Variants in GRAMD2A observed in about 807,000 individuals in gnomAD.
The protein encoded by GRAMD2A is GRAM domain containing 2A.
Under a neutral mutation model 51.1 loss-of-function variants are expected in GRAMD2A, and 37 were observed. The ratio of observed to expected loss-of-function variants is 0.72; its 90% CI spans 0.56 to 0.95. The LOEUF (loss-of-function observed/expected upper bound fraction) is 0.95, where lower values mean the gene tolerates loss of function less well. Ranked by LOEUF, GRAMD2A falls within the 40% of genes least tolerant of loss-of-function variation. The pLI, the probability that GRAMD2A is intolerant of heterozygous loss-of-function variation, is 0.00. For synonymous variants in GRAMD2A, 136 were observed against 157.1 expected, an observed-to-expected ratio of 0.87 and a Z score of 1.01; for missense variants, 414 against 426.9, an observed-to-expected ratio of 0.97 and a Z score of 0.27.
Position 72,187,169 on chromosome 15 carries a change from A to C in GRAMD2A, c.41+10562T>G, listed in dbSNP as rs149605594. On this transcript the variant is annotated intron_variant, in intron 1 of 11. Coordinates refer to ENST00000309731, the MANE Select transcript of GRAMD2A (RefSeq NM_001012642.3). ...GAGCAAAACTCTGTCTCAAAAGAAA[A>C]AAAAAAGAAAAGAAAAGTAGATACA... Among the ~76,000 whole-genome samples the C allele has an allele frequency of 5.4e-3, 815 of 151,950 alleles. 8 individuals carry two copies. The highest frequency in any genetic ancestry group is 0.019 in the African/African-American group (775 of 41,464).
chr15:72,162,388 C>G lies in GRAMD2A; in HGVS notation c.957-11G>C, dbSNP rs897731. 1,594,772 of 1,598,482 alleles carry G rather than the reference C, an allele frequency of 1. 795,611 individuals carry two copies. The highest frequency in any genetic ancestry group is 1 in the East Asian group (44,798 of 44,798). On this transcript the variant is annotated splice_polypyrimidine_tract_variant and intron_variant, in intron 10 of 11. Coordinates refer to ENST00000309731, the MANE Select transcript of GRAMD2A (RefSeq NM_001012642.3). ...ACCAGGAAGCAGATCCTGAAGAAAG[C>G]GGCAATACGGAGTTAAATATTTCTT...
At chr15:72,193,668 G>T (rs1031997687) in intron 1 of GRAMD2A, among the ~76,000 whole-genome samples, 4 of 151,896 alleles carry the variant, frequency 2.6e-5, no homozygotes, top group African/African-American at 9.7e-5. Context: ...GACTACAGGC[G>T]CCCACCACCA....
intron 1 of GRAMD2A, among the ~76,000 whole-genome samples, chr15:72,195,263 T>C (rs1411962035): frequency 6.6e-6 from 1 of 152,166 alleles, no homozygotes; most frequent in Non-Finnish European, 1.5e-5. Flanking sequence ...CTCCTTACCT[T>C]ATGGTGTAAA....
intron 7 of GRAMD2A, among the ~76,000 whole-genome samples, chr15:72,165,799 A>G (rs1324327552): frequency 1.3e-5 from 2 of 150,878 alleles, no homozygotes; most frequent in African/African-American, 4.9e-5. Flanking sequence ...TGCAAAAGTG[A>G]TAGGCTTCCT....
chr15:72,166,792 C>T lies in GRAMD2A; in HGVS notation c.472-89G>A. 8.5e-7 allele frequency: 1 copy of T among 1,178,184 alleles called. No individual in the cohort carries two copies. Among genetic ancestry groups the T allele is most frequent in the Non-Finnish European group, 1.3e-6 (1 of 793,156 alleles). The allele number at this position is 1,178,184 out of a possible 1,614,324, so 73.0% of individuals were successfully genotyped here. ...GCCCCCTTGTGGATTGGGCACAGGC[C>T]CACAGGGGTATCAGGCCATGAGAGC... On this transcript the variant is annotated intron_variant, in intron 6 of 11. Coordinates refer to ENST00000309731, the MANE Select transcript of GRAMD2A (RefSeq NM_001012642.3). This position sits in a 1 kb window ranked among gnomAD's most constrained non-coding sequence, Gnocchi z 4.1.
rs549387870 is a variant in GRAMD2A, at chr15:72,177,884, C to T, written c.42-7945G>A. Among the ~76,000 whole-genome samples the T allele has an allele frequency of 2.6e-5, 4 of 152,312 alleles. No homozygotes were observed. In the South Asian group the frequency reaches 6.2e-4, roughly 24 times the overall value. On this transcript the variant is annotated intron_variant, in intron 1 of 11. Transcript: ENST00000309731. Reference sequence around the variant, plus strand: ...CTGGGATTACAGGCGTGTGCCAACACGCCCAGCTAATTGTTGTATTTTTAG... The same window carrying T: ...CTGGGATTACAGGCGTGTGCCAACATGCCCAGCTAATTGTTGTATTTTTAG...
intron 1 of GRAMD2A, among the ~76,000 whole-genome samples, chr15:72,194,418 T>C (rs765374387): frequency 6.5e-4 from 99 of 152,204 alleles, no homozygotes; most frequent in Non-Finnish European, 1.8e-4. Context: ...TTTTATTCTT[T>C]CTCCTAAGCT....
In GRAMD2A at chr15:72,170,517, T is replaced by G. The variant is rs189571068; in HGVS notation, c.42-578A>C. 100 of 431,700 alleles carry G rather than the reference T, an allele frequency of 2.3e-4. No homozygotes were observed. Among genetic ancestry groups the G allele is most frequent in the Middle Eastern group, 2.0e-3 (3 of 1,528 alleles). The allele number at this position is 431,700 out of a possible 1,614,324, so 26.7% of individuals were successfully genotyped here. Reference sequence around the variant, plus strand: ...TACCAGGAAGTGGCCTCAGCCACCTTGGACAGTCAGGACAGCTTGATGATG... The same window carrying G: ...TACCAGGAAGTGGCCTCAGCCACCTGGGACAGTCAGGACAGCTTGATGATG... On this transcript the variant is annotated intron_variant, in intron 1 of 11. Transcript: ENST00000309731. The surrounding 1 kb of genome is among the most constrained non-coding windows in gnomAD (Gnocchi z 4.5).
At chr15:72,167,156 G>A (rs1203387244) in intron 5 of GRAMD2A, 64 bp from the exon 6 acceptor site, 4 of 1,243,064 alleles carry the variant, frequency 3.2e-6, no homozygotes, top group Non-Finnish European at 4.7e-6. Context: ...TTTGCTCCCT[G>A]CCTAGGGACC....
rs774671760 is a variant in GRAMD2A, at chr15:72,166,711, A to G, written c.472-8T>C. The stretch of plus-strand genomic sequence containing the variant: ...CAGTGACACAAAGATATACTGGGAC[A>G]TGGAAAGAAAACAGACAGGGGTAGG... On this transcript the variant is annotated splice_region_variant and splice_polypyrimidine_tract_variant and intron_variant, in intron 6 of 11. Transcript: ENST00000309731. This position sits in a 1 kb window ranked among gnomAD's most constrained non-coding sequence, Gnocchi z 4.1. 1 of 1,611,184 alleles carries G rather than the reference A, an allele frequency of 6.2e-7. No individual in the cohort carries two copies. The highest frequency in any genetic ancestry group is 8.5e-7 in the Non-Finnish European group (1 of 1,178,280).
At chr15:72,192,730 T>C (rs567369327) in intron 1 of GRAMD2A, among the ~76,000 whole-genome samples, 2 of 152,354 alleles carry the variant, frequency 1.3e-5, no homozygotes, top group Admixed American at 6.5e-5. Context: ...ATCTTTACTT[T>C]AGGTTAAAAA....
At chr15:72,189,076 T>C (rs1297759645) in intron 1 of GRAMD2A, among the ~76,000 whole-genome samples, 1 of 152,218 alleles carries the variant, frequency 6.6e-6, no homozygotes, top group African/African-American at 2.4e-5. Context: ...TTTGCCTGAA[T>C]TTTATAATTA....
At chr15:72,165,533 GC>G in intron 7 of GRAMD2A, 123 bp from the exon 8 acceptor site, 1 of 947,792 alleles carries the variant, frequency 1.1e-6, no homozygotes, top group Non-Finnish European at 1.7e-6. Context: ...GTCAGGTGAA[GC>G]CCAGCTCCCA....
chr15:72,163,456 C>A lies in GRAMD2A; in HGVS notation c.766G>T (p.Ala256Ser). 1.2e-6 allele frequency: 2 copies of A among 1,614,120 alleles called. No homozygotes were observed. Among genetic ancestry groups the A allele is most frequent in the African/African-American group, 1.3e-5 (1 of 75,038 alleles). ...GCCCACCTCCCACCATTTTCTGAAG[C>A]TACTTGGGCTCTTGACTTTTCTTTA... ...PMSEKSRAQV[A>S]SENGGRWAWP... is the part of the protein sequence containing the mutation. The change falls in exon 10 of 12, where the codon GCT becomes TCT. Residue 256 changes from alanine to serine, a missense_variant. Coordinates refer to ENST00000309731, the MANE Select transcript of GRAMD2A (RefSeq NM_001012642.3).
In GRAMD2A at chr15:72,163,427, C is replaced by T. The variant is rs1447519095; in HGVS notation, c.795G>A (p.Trp265Ter). Residue 265 changes from tryptophan to a stop codon, truncating the protein, a stop_gained, in exon 10 of 12, where the codon TGG (tryptophan) becomes TGA (stop). Coordinates refer to ENST00000309731, the MANE Select transcript of GRAMD2A (RefSeq NM_001012642.3). LOFTEE classifies it high-confidence loss of function. ...AGGCAGGACCCCAGCCTGGCATGGG[C>T]CATGCCCACCTCCCACCATTTTCTG... ...VASENGGRWA[W>*]PMPGWGPACP... The T allele has an allele frequency of 1.2e-6, 2 of 1,614,170 alleles. No homozygotes were observed. Among genetic ancestry groups the T allele is most frequent in the East Asian group, 4.5e-5 (2 of 44,890 alleles).
intron 1 of GRAMD2A, among the ~76,000 whole-genome samples, chr15:72,176,974 C>T (rs1259515932): frequency 6.6e-6 from 1 of 151,070 alleles, no homozygotes; most frequent in Non-Finnish European, 1.5e-5. Flanking sequence ...AAGTGATCCT[C>T]CTGCCTAAGC....
chr15:72,184,182 T>C (rs779596349), intron 1 of GRAMD2A, among the ~76,000 whole-genome samples: 1 of 152,212 alleles, frequency 6.6e-6, no homozygotes, highest in Non-Finnish European at 1.5e-5. Flanking sequence ...TGTTCCCCAG[T>C]TCCCCAAGCC....
In GRAMD2A at chr15:72,161,850, G is replaced by A. The variant is rs2081479060; in HGVS notation, c.*159C>T. The A allele has an allele frequency of 6.7e-6, 5 of 750,810 alleles. No homozygotes were observed. In the South Asian group the frequency reaches 7.9e-5, roughly 12 times the overall value. The allele number at this position is 750,810 out of a possible 1,614,324, so 46.5% of individuals were successfully genotyped here. A position where few individuals can be genotyped will look rare whatever the true frequency, so the allele number is the denominator to read the frequency against. ...CACGTACTTCAGATCTCTCATAGAG[G>A]GAAGAGAAGAGCTGCGGGGAGGAGG... On this transcript the variant is annotated 3_prime_UTR_variant, in exon 12 of 12. Transcript: ENST00000309731.
At chr15:72,195,609 T>C (rs2081799212) in intron 1 of GRAMD2A, among the ~76,000 whole-genome samples, 3 of 152,086 alleles carry the variant, frequency 2.0e-5, no homozygotes. Flanking sequence ...TGCCAAAGCT[T>C]TGGGGCCTTG....
Sources: allele counts gnomAD v4.1 joint callset (sites outside exome capture counted in the v4.1 genomes callset), GRCh38; gene constraint gnomAD v4.1.1; non-coding constraint Gnocchi (gnomAD v3.1); transcripts MANE v1.5; gene names NCBI Gene and HGNC (gene_info 2026-07-23, HGNC 2026-07-21).